NID2: variants seen among roughly 807,000 people sequenced by gnomAD.
NID2 encodes nidogen 2.
A neutral mutation model predicts 145.4 loss-of-function variants in NID2; 83 were observed. That is an observed-to-expected ratio of 0.57 (90% CI 0.48 to 0.69). The LOEUF is 0.69. Ranked by LOEUF, NID2 falls within the 30% of genes least tolerant of loss-of-function variation. The pLI is 0.00. For synonymous variants in NID2, 739 were observed against 701.3 expected, an observed-to-expected ratio of 1.05 and a Z score of -0.85; for missense variants, 1,807 against 1,765.7, an observed-to-expected ratio of 1.02 and a Z score of -0.42.
chr14:52,027,244 A>G lies in NID2; in HGVS notation c.2631T>C (p.Cys877=), dbSNP rs930812838. ...CGCCGGCATAACCAGGCAGGCAGGC[A>G]CAGCTGAACGTGCTGCCTCCATGGT... ...CVHHGGSTFS[C]ACLPGYAGDG... The change falls in exon 12 of 22, where the codon TGT becomes TGC. Residue 877 remains cysteine, a synonymous_variant. Coordinates refer to ENST00000216286, the MANE Select transcript of NID2 (RefSeq NM_007361.4). 1.3e-6 allele frequency: 2 copies of G among 1,584,156 alleles called. No homozygotes were observed. Among genetic ancestry groups the G allele is most frequent in the Non-Finnish European group, 1.7e-6 (2 of 1,165,578 alleles).
rs1892258653 is a variant in NID2 at position 52,040,918 on chromosome 14, C to G, written c.1826-67G>C. On this transcript the variant is annotated intron_variant, in intron 7 of 21. Coordinates refer to ENST00000216286, the MANE Select transcript of NID2 (RefSeq NM_007361.4). The stretch of plus-strand genomic sequence containing the variant: ...TTGCTTAAACAGTTACCAGTATATA[C>G]TGCCCGCTCCCAATTTCTACTGCTG... The G allele has an allele frequency of 2.9e-6, 4 of 1,374,920 alleles. No individual in the cohort carries two copies. The Admixed American group carries it at 6.7e-5, about 23-fold the overall frequency. 85.2% of individuals were successfully genotyped at this position (1,374,920 alleles called of 1,614,324 possible). A position where few individuals can be genotyped will look rare whatever the true frequency, so the allele number is the denominator to read the frequency against.
At chr14:52,047,151 T>G (rs1892529727) in intron 5 of NID2, among the ~76,000 whole-genome samples, 3 of 152,190 alleles carry the variant, frequency 2.0e-5, no homozygotes, top group Non-Finnish European at 4.4e-5. Context: ...ATTCACATCC[T>G]GAAGCTTACA....
intron 8 of NID2, among the ~76,000 whole-genome samples, chr14:52,040,251 ATT>A (rs11423537): frequency 6.1e-5 from 9 of 147,380 alleles, no homozygotes; most frequent in African/African-American, 1.5e-4. Context: ...TCTTTCTGTG[ATT>A]TTTTTTTTTT....
At chr14:52,060,444 G>T in intron 2 of NID2, 88 bp from the exon 3 acceptor site, 1 of 717,220 alleles carries the variant, frequency 1.4e-6, no homozygotes. Flanking sequence ...CAGAATGCAA[G>T]CAAAGCATCA....
chr14:52,068,294 G>C, intron 1 of NID2, 131 bp from the exon 2 acceptor site: 1 of 918,108 alleles, frequency 1.1e-6, no homozygotes, highest in Non-Finnish European at 1.7e-6. Flanking sequence ...AGGGAGTCTG[G>C]ATTCAGGGAA....
intron 9 of NID2, among the ~76,000 whole-genome samples, chr14:52,038,531 C>T (rs1217687627): frequency 6.6e-6 from 1 of 152,164 alleles, no homozygotes; most frequent in Non-Finnish European, 1.5e-5. Flanking sequence ...ACATACTATG[C>T]TCTATTTCCT....
intron 18 of NID2, chr14:52,010,061 T>A (rs1170136998): frequency 6.6e-6 from 1 of 150,698 alleles, no homozygotes; most frequent in African/African-American, 2.4e-5. Flanking sequence ...ATGCAAAGAG[T>A]TTTTAAGAGG....
chr14:52,019,315 G>A, intron 13 of NID2, 21 bp from the exon 14 acceptor site: 1 of 1,544,742 alleles, frequency 6.5e-7, no homozygotes, highest in Non-Finnish European at 8.8e-7. Context: ...CAAGGCAGAG[G>A]AAGACACAAA....
At chr14:52,045,259 TGA>T (rs1056846517) in intron 5 of NID2, among the ~76,000 whole-genome samples, 1 of 151,938 alleles carries the variant, frequency 6.6e-6, no homozygotes, top group African/African-American at 2.4e-5. Context: ...AGGTAAGAAA[TGA>T]GAGTAGCAGC....
chr14:52,053,758 T>G lies in NID2; in HGVS notation c.1250A>C (p.Asn417Thr), dbSNP rs1184872991. Residue 417 changes from asparagine to threonine, a missense_variant, in exon 5 of 22, where the codon AAC becomes ACC. By Grantham distance (65) the Asn-to-Thr change is moderately conservative. Transcript: ENST00000216286. The stretch of plus-strand genomic sequence containing the variant: ...ATCTGGGTAGGGCTGGATGCTTCCG[T>G]TTTCGGGGTACGGTGGTGGGGTTTC... The part of the protein sequence containing the change: ...SWETPPPYPE[N>T]GSIQPYPDGG... The G allele has an allele frequency of 1.2e-6, 2 of 1,614,038 alleles. No homozygotes were observed. Among genetic ancestry groups the G allele is most frequent in the Non-Finnish European group, 1.7e-6 (2 of 1,180,044 alleles).
At chr14:52,043,505 C>A (rs893245824) in intron 5 of NID2, among the ~76,000 whole-genome samples, 1 of 152,182 alleles carries the variant, frequency 6.6e-6, no homozygotes, top group African/African-American at 2.4e-5. Context: ...GGCAAAACAA[C>A]AGGGATTCAA....
intron 5 of NID2, among the ~76,000 whole-genome samples, chr14:52,051,801 G>GT (rs1892687986): frequency 6.6e-6 from 1 of 152,102 alleles, no homozygotes; most frequent in Non-Finnish European, 1.5e-5. Flanking sequence ...TTTCACAGGC[G>GT]TTTTTTGCCA....
intron 16 of NID2, 107 bp downstream of exon 16, chr14:52,014,180 T>TC: frequency 6.9e-7 from 1 of 1,452,516 alleles, no homozygotes; most frequent in South Asian, 1.2e-5. Flanking sequence ...TCAGAAACCC[T>TC]CCAGGACTTC....
chr14:52,007,732 A>AT, intron 19 of NID2, 78 bp downstream of exon 19: 2 of 1,278,928 alleles, frequency 1.6e-6, no homozygotes, highest in Non-Finnish European at 2.2e-6. Context: ...ATGGGATTTC[A>AT]TTTTGTAGTA....
chr14:52,011,161 T>C (rs138012973), intron 17 of NID2, 114 bp from the exon 18 acceptor site: 2 of 910,798 alleles, frequency 2.2e-6, no homozygotes, highest in Admixed American at 2.4e-5. Flanking sequence ...AAAGCCCAAG[T>C]GTCTCCAAGT....
At chr14:52,057,306 G>A (rs930661332) in intron 3 of NID2, among the ~76,000 whole-genome samples, 4 of 152,192 alleles carry the variant, frequency 2.6e-5, no homozygotes, top group African/African-American at 9.6e-5. Flanking sequence ...GCCTCCCAAA[G>A]CGCTGGGATT....
At chr14:52,024,665 A>G (rs1891522750) in intron 12 of NID2, among the ~76,000 whole-genome samples, 1 of 152,188 alleles carries the variant, frequency 6.6e-6, no homozygotes, top group South Asian at 2.1e-4. Flanking sequence ...TAACCAATAC[A>G]CTGGGGGAAG....
Position 52,068,843 on chromosome 14 carries a change from C to A in NID2, c.152G>T (p.Gly51Val), listed in dbSNP as rs1481676818. The A allele has an allele frequency of 6.2e-7, 1 of 1,613,202 alleles. No individual in the cohort carries two copies. Among genetic ancestry groups the A allele is most frequent in the Non-Finnish European group, 8.5e-7 (1 of 1,180,018 alleles). Residue 51 changes from glycine to valine, a missense_variant, in exon 1 of 22, where the codon GGC (glycine) becomes GTC (valine). Gly to Val is a moderately radical substitution (Grantham distance 109, BLOSUM62 -3). Transcript: ENST00000216286. ...CACCACGGCTGAGCTTTCGTCGTCG[C>A]CTTCCTGCAGGAGCTGGTCCCCCCA... The part of the protein sequence containing the change: ...ESWGDQLLQE[G>V]DDESSAVVKL...
At chr14:52,028,551 G>C in intron 11 of NID2, 171 bp downstream of exon 11, 2 of 670,450 alleles carry the variant, frequency 3.0e-6, no homozygotes, top group East Asian at 6.5e-5. Context: ...GATGATTACA[G>C]GCGTGAGCCA....
Sources: allele counts gnomAD v4.1 joint callset (sites outside exome capture counted in the v4.1 genomes callset), GRCh38; gene constraint gnomAD v4.1.1; transcripts MANE v1.5; gene names NCBI Gene and HGNC (gene_info 2026-07-23, HGNC 2026-07-21).